RBM20: variants seen among roughly 807,000 people sequenced by gnomAD.
RBM20 encodes RNA binding motif protein 20.
RBM20 carries 51 observed loss-of-function variants against 110.1 expected under a neutral mutation model. The observed-to-expected ratio is 0.46, with a 90% CI of 0.37 to 0.59. The LOEUF is 0.59. Ranked by LOEUF, RBM20 falls within the 20% of genes least tolerant of loss-of-function variation. The pLI is 0.00. For synonymous variants in RBM20, 589 were observed against 618.2 expected, an observed-to-expected ratio of 0.95 and a Z score of 0.70; for missense variants, 1,512 against 1,574.9, an observed-to-expected ratio of 0.96 and a Z score of 0.68.
At position 110,810,539 on chromosome 10, in the gene RBM20, A is replaced by C. The variant is rs575042655; in HGVS notation, c.1880+77A>C. 13 of 1,033,030 alleles carry C rather than the reference A, an allele frequency of 1.3e-5. No homozygotes were observed. The African/African-American group carries it at 2.1e-4, about 16-fold the overall frequency. The allele number at this position is 1,033,030 out of a possible 1,614,324, so 64.0% of individuals were successfully genotyped here. On this transcript the variant is annotated intron_variant, in intron 8 of 13. Transcript: ENST00000369519. The stretch of plus-strand genomic sequence containing the variant: ...ACTCCTGTTTCTCATTCTTAGGGGC[A>C]TTTGAGTCATGCTGTGCCCTGTTCT...
chr10:110,829,407 T>C (rs1834539694), intron 12 of RBM20, among the ~76,000 whole-genome samples: 1 of 152,068 alleles, frequency 6.6e-6, no homozygotes, highest in African/African-American at 2.4e-5. Context: ...TGGGCCTGAG[T>C]GAGGCCCTCT....
intron 1 of RBM20, among the ~76,000 whole-genome samples, chr10:110,768,689 A>C (rs1432850474): frequency 6.6e-6 from 1 of 152,218 alleles, no homozygotes; most frequent in Non-Finnish European, 1.5e-5. Flanking sequence ...TGAGCCACAT[A>C]GGCACTTGGG....
At position 110,781,404 on chromosome 10, in the gene RBM20, G is replaced by A; in HGVS notation, c.795G>A (p.Gly265=). 1.9e-6 allele frequency: 3 copies of A among 1,551,640 alleles called. No homozygotes were observed. The highest frequency in any genetic ancestry group is 2.4e-5 in the South Asian group (2 of 84,068). The change falls in exon 2 of 14, where the codon GGG becomes GGA. Residue 265 remains glycine (G), a synonymous_variant. Coordinates refer to ENST00000369519, the MANE Select transcript of RBM20 (RefSeq NM_001134363.3). ...CCTCGGGCAGTGTGACCTATGAAGG[G>A]CACTACAGCCACACAGGGCAGGATG... The part of the protein sequence containing the change: ...ASTSGSVTYE[G]HYSHTGQDGQ...
At chr10:110,768,199 C>T (rs192913191) in intron 1 of RBM20, among the ~76,000 whole-genome samples, 1 of 151,984 alleles carries the variant, frequency 6.6e-6, no homozygotes, top group Admixed American at 6.5e-5. Context: ...AGCTTCAGCT[C>T]GGCATCAGAG....
intron 1 of RBM20, among the ~76,000 whole-genome samples, chr10:110,732,969 C>G (rs1843634501): frequency 6.6e-6 from 1 of 152,140 alleles, no homozygotes; most frequent in African/African-American, 2.4e-5. Context: ...CTCGGAAAAT[C>G]TCCTTTTGTT....
chr10:110,762,766 C>T (rs1590661333), intron 1 of RBM20, among the ~76,000 whole-genome samples: 2 of 152,328 alleles, frequency 1.3e-5, no homozygotes, highest in South Asian at 2.1e-4. Flanking sequence ...CAATGGCAGA[C>T]AGGAGCAGAG....
chr10:110,699,831 T>C (rs1301792743), intron 1 of RBM20, among the ~76,000 whole-genome samples: 1 of 152,160 alleles, frequency 6.6e-6, no homozygotes, highest in African/African-American at 2.4e-5. Flanking sequence ...TCTTGTGCGT[T>C]GGGGCCATTA....
At chr10:110,797,377 T>C in intron 5 of RBM20, 131 bp from the exon 6 acceptor site, 5 of 875,260 alleles carry the variant, frequency 5.7e-6, no homozygotes, top group Non-Finnish European at 8.3e-6. Context: ...ATGGATTTTT[T>C]CTGCATTAAT....
At position 110,812,452 on chromosome 10, in the gene RBM20, G is replaced by A; in HGVS notation, c.2055G>A (p.Glu685=). The part of the protein sequence containing the change: ...SWEHSPYARR[E]EERDPAPWRD... ...AGCACTCTCCCTATGCCAGGAGGGA[G>A]GAAGAGCGAGACCCGGCTCCCTGGA... Residue 685 remains glutamate (E), a synonymous_variant, in exon 9 of 14, where the codon GAG becomes GAA. Coordinates refer to ENST00000369519, the MANE Select transcript of RBM20 (RefSeq NM_001134363.3). 2 of 1,551,734 alleles carry A rather than the reference G, an allele frequency of 1.3e-6. No homozygotes were observed. The highest frequency in any genetic ancestry group is 1.7e-6 in the Non-Finnish European group (2 of 1,146,996).
intron 1 of RBM20, among the ~76,000 whole-genome samples, chr10:110,647,679 G>T (rs889361160): frequency 6.6e-6 from 1 of 152,070 alleles, no homozygotes; most frequent in African/African-American, 2.4e-5. Flanking sequence ...TGACATTCTG[G>T]TGAATGTTTT....
At chr10:110,674,746 A>G (rs1862313327) in intron 1 of RBM20, among the ~76,000 whole-genome samples, 1 of 152,206 alleles carries the variant, frequency 6.6e-6, no homozygotes, top group Non-Finnish European at 1.5e-5. Context: ...GATGTACTAT[A>G]TTTTTTAGAT....
intron 1 of RBM20, among the ~76,000 whole-genome samples, chr10:110,727,470 A>G (rs950170076): frequency 6.6e-6 from 1 of 150,442 alleles, no homozygotes; most frequent in Non-Finnish European, 1.5e-5. Flanking sequence ...CACTATCTCA[A>G]TTATATTTTA....
At chr10:110,812,183 C>T in intron 8 of RBM20, 95 bp from the exon 9 acceptor site, 1 of 1,103,968 alleles carries the variant, frequency 9.1e-7, no homozygotes, top group South Asian at 1.6e-5. Context: ...GTTACATGCA[C>T]AGTATATCTA....
chr10:110,764,660 C>A (rs1844055648), intron 1 of RBM20, among the ~76,000 whole-genome samples: 1 of 152,138 alleles, frequency 6.6e-6, no homozygotes, highest in Non-Finnish European at 1.5e-5. Flanking sequence ...CCTTTCCAGA[C>A]TCGAGAGAGT....
At chr10:110,702,728 C>G (rs1050765287) in intron 1 of RBM20, among the ~76,000 whole-genome samples, 1 of 152,218 alleles carries the variant, frequency 6.6e-6, no homozygotes, top group Non-Finnish European at 1.5e-5. Flanking sequence ...AGGGAGAGCT[C>G]TGGATCCAGA....
chr10:110,758,430 A>C (rs1440782762), intron 1 of RBM20, among the ~76,000 whole-genome samples: 4 of 152,214 alleles, frequency 2.6e-5, no homozygotes, highest in African/African-American at 9.7e-5. Context: ...GAGGTCAGAG[A>C]GTAAACCATA....
chr10:110,752,928 TA>T lies in RBM20; in HGVS notation c.192-27872del, dbSNP rs1267716898. On this transcript the variant is annotated intron_variant, in intron 1 of 13. Transcript: ENST00000369519. ...TATATTATATATTTATACATATATA[TA>T]TATATATATATATATATTTTTTTTT... Among the ~76,000 whole-genome samples the T allele has an allele frequency of 7.1e-5, 6 of 84,630 alleles. No homozygotes were observed. In the East Asian group the frequency reaches 2.1e-3, roughly 29 times the overall value. 55.5% of individuals were successfully genotyped at this position (84,630 alleles called of 152,430 possible). A position where few individuals can be genotyped will look rare whatever the true frequency, so the allele number is the denominator to read the frequency against.
intron 1 of RBM20, among the ~76,000 whole-genome samples, chr10:110,712,677 G>C (rs1427389752): frequency 6.6e-6 from 1 of 152,218 alleles, no homozygotes; most frequent in African/African-American, 2.4e-5. Flanking sequence ...TGAGGCAGGA[G>C]AATCGCTTGA....
At chr10:110,762,945 C>T (rs1844026082) in intron 1 of RBM20, among the ~76,000 whole-genome samples, 1 of 152,188 alleles carries the variant, frequency 6.6e-6, no homozygotes, top group Admixed American at 6.5e-5. Flanking sequence ...ATGGGAAGGA[C>T]TCAAGGCCAG....
Sources: allele counts gnomAD v4.1 joint callset (sites outside exome capture counted in the v4.1 genomes callset), GRCh38; gene constraint gnomAD v4.1.1; transcripts MANE v1.5; gene names NCBI Gene and HGNC (gene_info 2026-07-23, HGNC 2026-07-21).